NPIPB2: variants seen among roughly 807,000 people sequenced by gnomAD.
NPIPB2 encodes nuclear pore complex interacting protein family member B2, also known as nuclear pore complex-interacting protein family member B2.
Under a neutral mutation model 30.8 loss-of-function variants are expected in NPIPB2, and 27 were observed. That is an observed-to-expected ratio of 0.88 (90% CI 0.65 to 1.21). NPIPB2 has a LOEUF of 1.21. Ranked by LOEUF, NPIPB2 falls within the 50% of genes most tolerant of loss-of-function variation. The probability of loss-of-function intolerance (pLI) is 0.00; values close to 1 mark genes in which losing one functional copy is unlikely to be tolerated. For synonymous variants in NPIPB2, 147 were observed against 162.0 expected (o/e 0.91, Z 0.70); for missense variants, 440 against 446.2 (o/e 0.99, Z 0.13).
chr16:11,959,920 C>T (rs1171908317), intron 1 of NPIPB2, among the ~76,000 whole-genome samples: 1 of 152,148 alleles, frequency 6.6e-6, no homozygotes, highest in African/African-American at 2.4e-5. Flanking sequence ...GGACCACAAG[C>T]ACGCACTACC....
chr16:11,945,701 A>C (rs1422931269), upstream of NPIPB2, among the ~76,000 whole-genome samples: 1 of 151,926 alleles, frequency 6.6e-6, no homozygotes, highest in Non-Finnish European at 1.5e-5. Context: ...AAACAAAAAC[A>C]AAATGCTGGA....
intron 2 of NPIPB2, among the ~76,000 whole-genome samples, chr16:11,934,857 CAAAAAAAAAA>C (rs200493261): frequency 1.0e-5 from 1 of 97,658 alleles, no homozygotes; most frequent in East Asian, 3.1e-4. Context: ...GACTCTGTCT[CAAAAAAAAAA>C]AAAAAAAATG....
chr16:11,969,158 C>T (rs1036206071), intron 1 of NPIPB2, among the ~76,000 whole-genome samples: 2 of 152,008 alleles, frequency 1.3e-5, no homozygotes, highest in African/African-American at 2.4e-5. Flanking sequence ...TGAGCTATCG[C>T]GCCCGGCCCC....
At chr16:11,951,812 G>C (rs1378912603) in intron 1 of NPIPB2, among the ~76,000 whole-genome samples, 1 of 151,886 alleles carries the variant, frequency 6.6e-6, no homozygotes, top group Non-Finnish European at 1.5e-5. Context: ...CGGATGATGA[G>C]GTCAGGAGAT....
At chr16:11,964,589 A>G (rs1231691133) in intron 1 of NPIPB2, among the ~76,000 whole-genome samples, 1 of 151,934 alleles carries the variant, frequency 6.6e-6, no homozygotes, top group Non-Finnish European at 1.5e-5. Context: ...TAATTTTTGT[A>G]TTTTTAGTAG....
chr16:11,927,483 A>G (rs868365018), exon 8 of NPIPB2: 27 of 1,239,958 alleles, frequency 2.2e-5, no homozygotes, highest in Middle Eastern at 2.0e-4. Flanking sequence ...TCGGGTGGTG[A>G]TTCCACCTCA....
At chr16:11,937,816 A>G (rs1312354499) in intron 1 of NPIPB2, 148 bp from the exon 2 acceptor site, 1 of 1,441,564 alleles carries the variant, frequency 6.9e-7, no homozygotes, top group Non-Finnish European at 9.2e-7. Flanking sequence ...GTTACAAAAA[A>G]GAACAGAAGT....
At position 11,934,068 on chromosome 16, in the gene NPIPB2, T is replaced by C. The variant is rs2054831291; in HGVS notation, c.193-144A>G. The C allele has an allele frequency of 7.5e-6, 5 of 670,788 alleles. No homozygotes were observed. The South Asian group carries it at 8.9e-5, about 12-fold the overall frequency. 41.6% of individuals were successfully genotyped at this position (670,788 alleles called of 1,614,324 possible). ...CAAGATGGTGAAACCCCGTCTCTAC[T>C]AAAAATACAAAAATTAGCCGGGCAT... On this transcript the variant is annotated intron_variant, in intron 2 of 7. Transcript: ENST00000399147.
chr16:11,970,097 C>T (rs2055227120), intron 1 of NPIPB2, among the ~76,000 whole-genome samples: 1 of 151,950 alleles, frequency 6.6e-6, no homozygotes, highest in South Asian at 2.1e-4. Flanking sequence ...GCCTGTAATC[C>T]CAGCACTTTG....
intron 1 of NPIPB2, among the ~76,000 whole-genome samples, chr16:11,969,949 CAAGAG>C (rs36110811): frequency 1 from 151,506 of 152,002 alleles, 75,511 homozygotes; most frequent in Middle Eastern, 1. Flanking sequence ...ACCTCTACCT[CAAGAG>C]GTAGGTTCAA....
At position 11,965,006 on chromosome 16, in the gene NPIPB2, T is replaced by C. The variant is rs899689384; in HGVS notation, c.-584+11562A>G. On this transcript the variant is annotated intron_variant, in intron 1 of 5. Transcript: ENST00000538896. ...TTGATGCTGTGGGCTTGTCTGCATC[T>C]TGCAACTGTCACCTGGCTGAGAAAT... 1.5e-5 allele frequency: 6 copies of C among 399,478 alleles called. No individual in the cohort carries two copies. The Admixed American group carries it at 2.5e-4, about 17-fold the overall frequency. 24.7% of individuals were successfully genotyped at this position (399,478 alleles called of 1,614,324 possible). A position where few individuals can be genotyped will look rare whatever the true frequency, so the allele number is the denominator to read the frequency against.
exon 8 of NPIPB2, chr16:11,927,791 C>T (rs936797712): frequency 6.4e-7 from 1 of 1,557,634 alleles, no homozygotes; most frequent in Non-Finnish European, 8.7e-7. Context: ...TGGCTGGTGG[C>T]CCATCCTGTT....
chr16:11,957,137 A>G (rs979768468), intron 1 of NPIPB2, among the ~76,000 whole-genome samples: 2 of 141,240 alleles, frequency 1.4e-5, no homozygotes, highest in Non-Finnish European at 3.0e-5. Flanking sequence ...GATTACAGGT[A>G]TGTGCCACCA....
intron 1 of NPIPB2, chr16:11,964,963 T>C (rs184655303): frequency 6.1e-6 from 2 of 325,216 alleles, no homozygotes; most frequent in East Asian, 5.4e-5. Flanking sequence ...TTCCAGAAAC[T>C]GTTACTGAAC....
At chr16:11,965,264 A>C in intron 1 of NPIPB2, 3 of 1,599,714 alleles carry the variant, frequency 1.9e-6, no homozygotes, top group Non-Finnish European at 2.6e-6. Context: ...ATTCTTGTAG[A>C]GATATTACTT....
chr16:11,938,877 A>T (rs2054902460), intron 1 of NPIPB2, among the ~76,000 whole-genome samples: 1 of 151,564 alleles, frequency 6.6e-6, no homozygotes, highest in Non-Finnish European at 1.5e-5. Context: ...GCTACTGAGT[A>T]ACTGGGATTA....
At chr16:11,933,914 A>G (rs1372548702) in exon 3 of NPIPB2, 1 of 1,544,308 alleles carries the variant, frequency 6.5e-7, no homozygotes, top group African/African-American at 1.4e-5. Context: ...GATAGTCTTC[A>G]GGAAAGACAA....
At chr16:11,969,812 A>ATAT (rs2055224500) in intron 1 of NPIPB2, among the ~76,000 whole-genome samples, 1 of 152,202 alleles carries the variant, frequency 6.6e-6, no homozygotes. Context: ...ACCCTTATAT[A>ATAT]GTCTTACTAA....
intron 1 of NPIPB2, among the ~76,000 whole-genome samples, chr16:11,969,983 T>TC (rs1313096648): frequency 2.7e-5 from 4 of 150,714 alleles, no homozygotes; most frequent in African/African-American, 9.8e-5. Context: ...TACCTCAGCC[T>TC]CCCAAGTAGC....
Sources: allele counts gnomAD v4.1 joint callset (sites outside exome capture counted in the v4.1 genomes callset), GRCh38; gene constraint gnomAD v4.1.1; transcripts MANE v1.5; gene names NCBI Gene and HGNC (gene_info 2026-07-23, HGNC 2026-07-21).